Variants in KLC4 observed in about 807,000 individuals in gnomAD.
The protein encoded by KLC4 is kinesin light chain 4.
A neutral mutation model predicts 77.2 loss-of-function variants in KLC4; 49 were observed. The ratio of observed to expected loss-of-function variants is 0.63; its 90% confidence interval spans 0.50 to 0.80. The LOEUF (loss-of-function observed/expected upper bound fraction) is 0.80, where lower values mean the gene tolerates loss of function less well. Ranked by LOEUF, KLC4 falls within the 30% of genes least tolerant of loss-of-function variation. The probability of loss-of-function intolerance (pLI) is 0.00; values close to 1 mark genes in which losing one functional copy is unlikely to be tolerated. For synonymous variants in KLC4, 274 were observed against 314.5 expected, an observed-to-expected ratio of 0.87 and a Z score of 1.36; for missense variants, 669 against 793.5, an observed-to-expected ratio of 0.84 and a Z score of 1.89.
Position 43,067,076 on chromosome 6 carries a change from A to T in KLC4, c.872A>T (p.His291Leu), listed in dbSNP as rs757802877. ...SIRESTLGPD[H>L]PAVAATLNNL... ...CGGGAGAGCACCTTGGGACCTGACCATCCTGCTGTCAGTATTCCTTGCCCT... is the reference window on the plus strand; with the variant it reads ...CGGGAGAGCACCTTGGGACCTGACCTTCCTGCTGTCAGTATTCCTTGCCCT... The change falls in exon 6 of 16, where the codon CAT becomes CTT. Residue 291 changes from histidine to leucine, a missense_variant. His to Leu is a moderately conservative substitution (Grantham distance 99). Transcript: ENST00000347162. 1 of 1,614,092 alleles carries T rather than the reference A, an allele frequency of 6.2e-7. No homozygotes were observed. The highest frequency in any genetic ancestry group is 1.1e-5 in the South Asian group (1 of 91,078).
At chr6:43,071,781 C>A in intron 10 of KLC4, 71 bp from the exon 11 acceptor site, 2 of 1,533,332 alleles carry the variant, frequency 1.3e-6, no homozygotes, top group Non-Finnish European at 1.8e-6. Flanking sequence ...TGCCACCTTG[C>A]ATCTCAGCAT....
intron 8 of KLC4, 72 bp from the exon 9 acceptor site, chr6:43,071,203 A>T: frequency 2.5e-6 from 1 of 403,930 alleles, no homozygotes; most frequent in South Asian, 6.4e-5. Flanking sequence ...CCTTGTCTAA[A>T]AAAAAAAAAA....
At chr6:43,060,489 G>A (rs1030202515) in intron 1 of KLC4, 2 of 1,352,590 alleles carry the variant, frequency 1.5e-6, no homozygotes, top group Non-Finnish European at 1.9e-6. Flanking sequence ...AGAAGGGGTG[G>A]GAACGCTGGA....
Position 43,073,243 on chromosome 6 carries a change from G to A in KLC4, c.1650G>A (p.Gln550=). ...GCCAGGATGGCAGTGGGACCCTGCA[G>A]AGGAGTGGCTCTCTTGGCAAGATCC... The part of the protein sequence containing the change: ...EWSGDGSGTL[Q]RSGSLGKIRD... Residue 550 remains glutamine, a synonymous_variant, in exon 14 of 16, where the codon CAG becomes CAA. Transcript: ENST00000347162. The A allele has an allele frequency of 6.2e-7, 1 of 1,614,108 alleles. No homozygotes were observed. Among genetic ancestry groups the A allele is most frequent in the Non-Finnish European group, 8.5e-7 (1 of 1,179,952 alleles).
intron 1 of KLC4, chr6:43,060,521 A>G (rs1300937477): frequency 2.1e-5 from 27 of 1,300,310 alleles, no homozygotes; most frequent in Non-Finnish European, 2.5e-5. Flanking sequence ...TGGGCAGGGC[A>G]GATCCTCTGA....
intron 4 of KLC4, 42 bp from the exon 5 acceptor site, chr6:43,066,262 AGG>A (rs1309645050): frequency 2.0e-6 from 3 of 1,528,680 alleles, no homozygotes; most frequent in Non-Finnish European, 1.8e-6. Context: ...CAGACAGCAA[AGG>A]GGAGAGGAAG....
chr6:43,068,329 G>A (rs962861197), intron 6 of KLC4, among the ~76,000 whole-genome samples: 7 of 147,290 alleles, frequency 4.8e-5, no homozygotes, highest in African/African-American at 1.5e-4. Context: ...AAAATTAGCC[G>A]GGCGTGGTGG....
chr6:43,072,771 C>A, intron 12 of KLC4, 53 bp from the exon 13 acceptor site: 1 of 1,583,996 alleles, frequency 6.3e-7, no homozygotes, highest in South Asian at 1.2e-5. Context: ...TTGAAAGCCC[C>A]ATCCTGAGGA....
At chr6:43,059,964 TC>T in intron 1 of KLC4, 9 of 1,316,228 alleles carry the variant, frequency 6.8e-6, no homozygotes, top group African/African-American at 3.1e-5. Context: ...CATCCACACC[TC>T]CCCCCTGCCG....
rs764085350 is a variant in KLC4, at chr6:43,061,348, G to C, written c.13G>C (p.Val5Leu). ...CCCCCAGGCCAGGATGTCAGGCCTG[G>C]TGTTGGGGCAGCGGGATGAGCCTGC... MSGLVLGQRDEPAGH... is the reference protein window; with the variant it reads MSGLLLGQRDEPAGH... Residue 5 changes from valine (V) to leucine (L), a missense_variant, in exon 2 of 16, where the codon GTG becomes CTG. Transcript: ENST00000347162. 2.4e-5 allele frequency: 39 copies of C among 1,613,538 alleles called. No individual in the cohort carries two copies. The highest frequency in any genetic ancestry group is 3.1e-5 in the Non-Finnish European group (37 of 1,180,030).
At chr6:43,060,185 A>G in intron 1 of KLC4, 1 of 1,613,706 alleles carries the variant, frequency 6.2e-7, no homozygotes, top group African/African-American at 1.3e-5. Context: ...GCCTGTTTGT[A>G]GGTGACCGTG....
At chr6:43,071,522 T>A in intron 9 of KLC4, 45 bp from the exon 10 acceptor site, 1 of 1,601,560 alleles carries the variant, frequency 6.2e-7, no homozygotes, top group South Asian at 1.1e-5. Context: ...TCCGACACTG[T>A]CTAGCTCCCA....
chr6:43,060,177 C>T lies in KLC4; in HGVS notation c.-26+492C>T, dbSNP rs778546889. ...ACCCTACGGTGATTCCTCTCAGAGCCTGTTTGTAGGTGACCGTGACAGAGA... is the reference window on the plus strand; with the variant it reads ...ACCCTACGGTGATTCCTCTCAGAGCTTGTTTGTAGGTGACCGTGACAGAGA... On this transcript the variant is annotated intron_variant, in intron 1 of 15. Coordinates refer to ENST00000347162, the MANE Select transcript of KLC4 (RefSeq NM_201521.3). The T allele has an allele frequency of 3.7e-6, 6 of 1,613,280 alleles. No homozygotes were observed. In the Admixed American group the frequency reaches 8.3e-5, roughly 22 times the overall value.
At chr6:43,067,275 C>T in intron 6 of KLC4, 192 bp downstream of exon 6, 1 of 1,231,398 alleles carries the variant, frequency 8.1e-7, no homozygotes. Flanking sequence ...GACTCAGTGA[C>T]TCCTTTTTAT....
At chr6:43,063,626 T>G (rs1364077534) in intron 3 of KLC4, among the ~76,000 whole-genome samples, 1 of 151,548 alleles carries the variant, frequency 6.6e-6, no homozygotes, top group Non-Finnish European at 1.5e-5. Context: ...CAATCTCAGG[T>G]CACAGCAACC....
intron 6 of KLC4, among the ~76,000 whole-genome samples, chr6:43,067,950 A>G (rs1055499270): frequency 8.9e-6 from 1 of 111,792 alleles, no homozygotes; most frequent in Non-Finnish European, 1.7e-5. Flanking sequence ...GTCTCTACTA[A>G]AAATACAAAA....
intron 8 of KLC4, 34 bp downstream of exon 8, chr6:43,070,899 CGGAGAGGGGGGCACAGAGGTGG>C: frequency 1.8e-6 from 2 of 1,088,024 alleles, no homozygotes; most frequent in Non-Finnish European, 2.4e-6. Context: ...GTGGAAGAAA[CGGAGAGGGGGGCACAGAGGTGG>C]GGGGAGGGGG....
intron 2 of KLC4, 109 bp downstream of exon 2, chr6:43,061,702 AT>A: frequency 9.0e-7 from 1 of 1,110,698 alleles, no homozygotes; most frequent in Non-Finnish European, 1.3e-6. Flanking sequence ...GTTTGCATTC[AT>A]TCATTAAATA....
intron 6 of KLC4, among the ~76,000 whole-genome samples, chr6:43,068,111 C>CAAAAA (rs763158428): frequency 7.5e-4 from 19 of 25,226 alleles, no homozygotes; most frequent in East Asian, 1.3e-3. Context: ...GACTCCGTCT[C>CAAAAA]AAAAAAAAAA....
Sources: allele counts gnomAD v4.1 joint callset (sites outside exome capture counted in the v4.1 genomes callset), GRCh38; gene constraint gnomAD v4.1.1; transcripts MANE v1.5; gene names NCBI Gene and HGNC (gene_info 2026-07-23, HGNC 2026-07-21).